PTPRZ1: variants seen among roughly 807,000 people sequenced by gnomAD.
PTPRZ1 encodes protein tyrosine phosphatase receptor type Z1, also known as receptor-type tyrosine-protein phosphatase zeta.
In PTPRZ1, 82 loss-of-function variants were observed where a neutral mutation model predicts 214.1. The ratio of observed to expected loss-of-function variants is 0.38; its 90% confidence interval spans 0.32 to 0.46. The LOEUF (loss-of-function observed/expected upper bound fraction) is 0.46. Ranked by LOEUF, PTPRZ1 falls within the 20% of genes least tolerant of loss-of-function variation. The probability of loss-of-function intolerance (pLI) is 1.00; values close to 1 mark genes in which losing one functional copy is unlikely to be tolerated. For synonymous variants in PTPRZ1, 945 were observed against 987.9 expected (o/e 0.96, Z 0.81); for missense variants, 2,603 against 2,748.7 (o/e 0.95, Z 1.19).
intron 1 of PTPRZ1, among the ~76,000 whole-genome samples, chr7:121,896,903 G>A (rs928038176): frequency 2.0e-5 from 3 of 152,094 alleles, no homozygotes; most frequent in Admixed American, 6.5e-5. Flanking sequence ...ATATTTCTGG[G>A]GTGAGATATT....
chr7:122,059,689 G>T, intron 28 of PTPRZ1, 64 bp from the exon 29 acceptor site: 1 of 1,531,000 alleles, frequency 6.5e-7, no homozygotes. Context: ...TGCTTTGTGA[G>T]TTCTAAATGT....
At chr7:121,947,193 C>T (rs1796407528) in intron 2 of PTPRZ1, among the ~76,000 whole-genome samples, 1 of 151,772 alleles carries the variant, frequency 6.6e-6, no homozygotes. Context: ...GCACTATTCA[C>T]TCCAGTGGTT....
chr7:122,038,893 T>G lies in PTPRZ1; in HGVS notation c.5502+4T>G, dbSNP rs1470629493. 5.6e-6 allele frequency: 9 copies of G among 1,613,558 alleles called. No individual in the cohort carries two copies. Among genetic ancestry groups the G allele is most frequent in the Admixed American group, 1.7e-5 (1 of 59,992 alleles). On this transcript the variant is annotated splice_donor_region_variant and intron_variant, in intron 19 of 29. Transcript: ENST00000393386. ...AAACCTCGTGGAGAAAGGAAGGGTA[T>G]GTAGATAATCTGTTATGTCACCCCC...
intron 2 of PTPRZ1, among the ~76,000 whole-genome samples, chr7:121,957,136 G>C (rs1159682695): frequency 6.6e-6 from 1 of 152,162 alleles, no homozygotes; most frequent in African/African-American, 2.4e-5. Flanking sequence ...CTCCTTGCCA[G>C]TATCATCTTT....
intron 2 of PTPRZ1, among the ~76,000 whole-genome samples, chr7:121,960,942 A>ATT (rs151193663): frequency 1.4e-5 from 2 of 145,978 alleles, no homozygotes; most frequent in South Asian, 2.2e-4. Context: ...TCACTGAAGC[A>ATT]TTTTTTTTTT....
At chr7:121,940,449 G>A (rs2116418828) in intron 2 of PTPRZ1, among the ~76,000 whole-genome samples, 1 of 152,274 alleles carries the variant, frequency 6.6e-6, no homozygotes, top group South Asian at 2.1e-4. Flanking sequence ...AGGTTGTAGT[G>A]GGGATTCTTT....
intron 10 of PTPRZ1, among the ~76,000 whole-genome samples, chr7:122,002,724 T>G (rs1248338663): frequency 6.6e-6 from 1 of 152,198 alleles, no homozygotes; most frequent in Non-Finnish European, 1.5e-5. Context: ...GTTAGACCAT[T>G]TTTTAAAAAT....
intron 1 of PTPRZ1, among the ~76,000 whole-genome samples, chr7:121,878,697 TGACTC>T (rs2116148530): frequency 6.6e-6 from 1 of 152,332 alleles, no homozygotes; most frequent in South Asian, 2.1e-4. Context: ...TCTGTCTCCT[TGACTC>T]GACCACATTA....
At chr7:121,886,625 A>G (rs984942161) in intron 1 of PTPRZ1, among the ~76,000 whole-genome samples, 1 of 152,154 alleles carries the variant, frequency 6.6e-6, no homozygotes, top group Non-Finnish European at 1.5e-5. Context: ...ATTATTGCCT[A>G]AGGCCAATGT....
rs1481867160 is a variant in PTPRZ1, at chr7:122,039,504, C to A, written c.5553C>A (p.Asn1851Lys). 6.2e-7 allele frequency: 1 copy of A among 1,614,012 alleles called. No individual in the cohort carries two copies. Among genetic ancestry groups the A allele is most frequent in the East Asian group, 2.2e-5 (1 of 44,862 alleles). ...CCGATGGGAGTGAGGAGTACGGGAACTTTCTGGTCACTCAGAAGAGTGTGC... is the reference window on the plus strand; with the variant it reads ...CCGATGGGAGTGAGGAGTACGGGAAATTTCTGGTCACTCAGAAGAGTGTGC... ...WPADGSEEYG[N>K]FLVTQKSVQV... The change falls in exon 20 of 30, where the codon AAC becomes AAA. Residue 1851 changes from asparagine to lysine, a missense_variant. By Grantham distance (94) the Asn-to-Lys change is moderately conservative (BLOSUM62 0). Transcript: ENST00000393386.
chr7:121,908,565 T>C (rs1795181387), intron 1 of PTPRZ1: 1 of 349,022 alleles, frequency 2.9e-6, no homozygotes, highest in South Asian at 2.3e-5. Flanking sequence ...GGTCCTCTCC[T>C]CTAGAATGGT....
chr7:122,059,126 C>A (rs1329926227), intron 28 of PTPRZ1, among the ~76,000 whole-genome samples, 184 bp downstream of exon 28: 1 of 151,720 alleles, frequency 6.6e-6, no homozygotes, highest in Admixed American at 6.6e-5. Context: ...CACTTGAAGT[C>A]CCTGTTGAAG....
At chr7:121,972,225 G>A (rs1048729088) in intron 3 of PTPRZ1, among the ~76,000 whole-genome samples, 4 of 151,204 alleles carry the variant, frequency 2.6e-5, no homozygotes, top group African/African-American at 9.7e-5. Flanking sequence ...ATTACCATCT[G>A]ACATCTTAGG....
At chr7:121,916,146 C>T (rs1170002613) in intron 1 of PTPRZ1, among the ~76,000 whole-genome samples, 1 of 151,994 alleles carries the variant, frequency 6.6e-6, no homozygotes, top group Non-Finnish European at 1.5e-5. Context: ...TCATGGTGTG[C>T]GCCTATAATC....
chr7:122,049,181 G>C (rs981491352), intron 23 of PTPRZ1, among the ~76,000 whole-genome samples: 2 of 151,930 alleles, frequency 1.3e-5, no homozygotes, highest in African/African-American at 2.4e-5. Context: ...AGAAATAGAA[G>C]AAAGCTTTCT....
At chr7:122,034,232 G>A (rs755958441) in intron 16 of PTPRZ1, 50 bp from the exon 17 acceptor site, 20 of 1,580,284 alleles carry the variant, frequency 1.3e-5, no homozygotes, top group East Asian at 6.7e-5. Context: ...TTTAAGGCAC[G>A]TTGTTTGAAA....
intron 3 of PTPRZ1, among the ~76,000 whole-genome samples, chr7:121,968,646 T>A (rs529410524): frequency 4.5e-4 from 59 of 131,602 alleles, no homozygotes; most frequent in South Asian, 1.2e-3. Context: ...TTTTTTTTTT[T>A]TAAAAAAAAG....
chr7:121,969,422 C>T (rs1402989840), intron 3 of PTPRZ1, among the ~76,000 whole-genome samples: 2 of 151,840 alleles, frequency 1.3e-5, no homozygotes, highest in Admixed American at 1.3e-4. Context: ...ATTAGCCAGG[C>T]ATGGTGGTGC....
intron 8 of PTPRZ1, among the ~76,000 whole-genome samples, chr7:121,984,708 T>C (rs1563050664): frequency 6.6e-6 from 1 of 152,098 alleles, no homozygotes; most frequent in Non-Finnish European, 1.5e-5. Flanking sequence ...GTTTCCTTCT[T>C]TGGAGGAAAA....
Sources: gnomAD v4.1 joint callset for allele counts (sites outside exome capture counted in the v4.1 genomes callset) on GRCh38, gnomAD v4.1.1 for gene constraint, MANE v1.5 for transcripts, NCBI Gene and HGNC (gene_info 2026-07-23, HGNC 2026-07-21) for gene names.